Variants in GPLD1 observed in about 807,000 individuals in gnomAD.
The protein encoded by GPLD1 is phosphatidylinositol-glycan-specific phospholipase D.
A neutral mutation model predicts 112.6 loss-of-function variants in GPLD1; 84 were observed. The observed-to-expected ratio is 0.75, with a 90% CI of 0.63 to 0.89. GPLD1 has a LOEUF of 0.89. Among genes scored for constraint, GPLD1 ranks in the 40% least tolerant of loss-of-function variants. The probability of loss-of-function intolerance (pLI) is 0.00; values close to 1 mark genes in which losing one functional copy is unlikely to be tolerated. For missense variants in GPLD1, 1,044 were observed against 1,051.5 expected, an observed-to-expected ratio of 0.99 and a Z score of 0.10; for synonymous variants, 386 against 403.8, an observed-to-expected ratio of 0.96 and a Z score of 0.53.
At chr6:24,443,953 C>T (rs1289685737) in intron 20 of GPLD1, among the ~76,000 whole-genome samples, 1 of 152,154 alleles carries the variant, frequency 6.6e-6, no homozygotes, top group African/African-American at 2.4e-5. Context: ...GGATTACAGG[C>T]GTGAGCCACT....
At chr6:24,445,875 G>T in intron 18 of GPLD1, 44 bp from the exon 19 acceptor site, 1 of 1,368,326 alleles carries the variant, frequency 7.3e-7, no homozygotes, top group South Asian at 1.2e-5. Flanking sequence ...GCACAAGACT[G>T]ACAGCTGGCC....
intron 13 of GPLD1, among the ~76,000 whole-genome samples, chr6:24,456,268 G>A (rs993886696): frequency 1.7e-4 from 26 of 152,068 alleles, no homozygotes; most frequent in East Asian, 7.7e-4. Context: ...GCATGGTGGC[G>A]CGCACCTGTA....
intron 11 of GPLD1, among the ~76,000 whole-genome samples, chr6:24,461,204 G>A (rs539768149): frequency 1.1e-4 from 16 of 152,142 alleles, no homozygotes; most frequent in African/African-American, 3.4e-4. Context: ...CGTAAGTGAC[G>A]GGGCCCTGGG....
intron 18 of GPLD1, among the ~76,000 whole-genome samples, chr6:24,446,341 T>A (rs555852684): frequency 1.1e-4 from 9 of 84,686 alleles, no homozygotes; most frequent in African/African-American, 2.8e-4. Context: ...ATAAAAATGT[T>A]TTTAAATTAA....
At chr6:24,480,039 T>A (rs1475091868) in intron 2 of GPLD1, 80 bp from the exon 3 acceptor site, 1 of 829,160 alleles carries the variant, frequency 1.2e-6, no homozygotes, top group Non-Finnish European at 2.1e-6. Context: ...TTTTCTGTGA[T>A]GAGATGCTAG....
At chr6:24,433,003 G>C (rs1554128582) in intron 24 of GPLD1, among the ~76,000 whole-genome samples, 184 bp downstream of exon 24, 1 of 152,198 alleles carries the variant, frequency 6.6e-6, no homozygotes, top group Non-Finnish European at 1.5e-5. Flanking sequence ...GGATAAAATA[G>C]GAAGAGTAAA....
chr6:24,458,096 C>G (rs1011266536), intron 12 of GPLD1, among the ~76,000 whole-genome samples: 42 of 150,976 alleles, frequency 2.8e-4, no homozygotes, highest in African/African-American at 1.0e-3. Context: ...TGGCCAGATA[C>G]TAGATCCATC....
At chr6:24,464,988 A>C (rs1413620047) in intron 10 of GPLD1, among the ~76,000 whole-genome samples, 2 of 150,716 alleles carry the variant, frequency 1.3e-5, no homozygotes, top group South Asian at 4.2e-4. Context: ...AGGTCAGGAG[A>C]TCGAGACCAG....
At chr6:24,494,831 C>A in intron 1 of GPLD1, 1 of 774,108 alleles carries the variant, frequency 1.3e-6, no homozygotes, top group Non-Finnish European at 1.7e-6. Context: ...GCGAGAAAGA[C>A]GCGGAGAGAG....
chr6:24,480,736 A>G (rs1003441666), intron 2 of GPLD1, among the ~76,000 whole-genome samples: 1 of 152,138 alleles, frequency 6.6e-6, no homozygotes, highest in African/African-American at 2.4e-5. Context: ...TCCTTGGTCA[A>G]CTGGCTCACT....
In GPLD1 at chr6:24,476,671, A is replaced by G. The variant is rs565061168; in HGVS notation, c.233-393T>C. Reference sequence around the variant, plus strand: ...TTAAAAAGTATCTTCCTTGTCCCTCACAGTCAGCCTCCTTAAGAGTACAAG... The same window carrying G: ...TTAAAAAGTATCTTCCTTGTCCCTCGCAGTCAGCCTCCTTAAGAGTACAAG... On this transcript the variant is annotated intron_variant, in intron 3 of 24. Coordinates refer to ENST00000230036, the MANE Select transcript of GPLD1 (RefSeq NM_001503.4). 6.4e-4 allele frequency among the ~76,000 whole-genome samples: 97 copies of G among 152,320 alleles called. No individual in the cohort carries two copies. The Middle Eastern group carries it at 0.01, about 16-fold the overall frequency.
At chr6:24,479,846 A>G (rs1299356835) in intron 3 of GPLD1, 35 bp downstream of exon 3, 1 of 1,161,452 alleles carries the variant, frequency 8.6e-7, no homozygotes, top group African/African-American at 1.5e-5. Flanking sequence ...ACCAAGTAAA[A>G]GTGACTTCAT....
At chr6:24,474,154 CA>C (rs982865608) in intron 5 of GPLD1, among the ~76,000 whole-genome samples, 8 of 131,796 alleles carry the variant, frequency 6.1e-5, no homozygotes, top group East Asian at 4.2e-4. Context: ...AAAACAACAA[CA>C]AAAAAAACCA....
chr6:24,492,722 G>C (rs1232104163), upstream of GPLD1, among the ~76,000 whole-genome samples: 1 of 151,962 alleles, frequency 6.6e-6, no homozygotes, highest in Non-Finnish European at 1.5e-5. Flanking sequence ...AGGACAGGCT[G>C]GAAGTAAGAC....
rs1450237345 is a variant in GPLD1, at chr6:24,428,132, CTG to C, written c.*898_*899del. ...TTATCCCTCACCCCCATGCTTTACT[CTG>C]TACTATTTTTCCTCCCTCAGTTTCT... On this transcript the variant is annotated 3_prime_UTR_variant, in exon 25 of 25. Coordinates refer to ENST00000230036, the MANE Select transcript of GPLD1 (RefSeq NM_001503.4). The C allele has an allele frequency of 2.7e-5, 4 of 148,680 alleles. No homozygotes were observed. Among genetic ancestry groups the C allele is most frequent in the African/African-American group, 7.4e-5 (3 of 40,334 alleles). The allele number at this position is 148,680 out of a possible 1,614,324, so 9.2% of individuals were successfully genotyped here. A position where few individuals can be genotyped will look rare whatever the true frequency, so the allele number is the denominator to read the frequency against.
chr6:24,448,584 T>C (rs1304291846), intron 15 of GPLD1, among the ~76,000 whole-genome samples: 2 of 152,080 alleles, frequency 1.3e-5, no homozygotes, highest in Non-Finnish European at 2.9e-5. Context: ...AATGCAGAAA[T>C]GATGTCATTT....
chr6:24,436,001 A>G (rs1042916468), intron 22 of GPLD1: 5 of 152,038 alleles, frequency 3.3e-5, no homozygotes, highest in Non-Finnish European at 5.9e-5. Flanking sequence ...TCATGCCTGT[A>G]ATCCCAGCAC....
chr6:24,429,283 G>A (rs1762331525), intron 24 of GPLD1, among the ~76,000 whole-genome samples, 165 bp from the exon 25 acceptor site: 3 of 152,142 alleles, frequency 2.0e-5, no homozygotes, highest in Non-Finnish European at 2.9e-5. Context: ...TTTACAGACC[G>A]CTTTCTCACA....
intron 18 of GPLD1, 62 bp from the exon 19 acceptor site, chr6:24,445,893 C>T (rs1349608880): frequency 7.5e-6 from 9 of 1,202,040 alleles, no homozygotes; most frequent in Admixed American, 1.7e-5. Context: ...GCCAGGTACT[C>T]AGGAGCAAGG....
Sources: gnomAD v4.1 joint callset for allele counts (sites outside exome capture counted in the v4.1 genomes callset) on GRCh38, gnomAD v4.1.1 for gene constraint, MANE v1.5 for transcripts, NCBI Gene and HGNC (gene_info 2026-07-23, HGNC 2026-07-21) for gene names.